Variants in SPTBN1 observed in about 807,000 individuals in gnomAD.
SPTBN1 encodes the protein spectrin beta chain, non-erythrocytic 1.
SPTBN1 carries 32 observed loss-of-function variants against 266.4 expected under a neutral mutation model. The ratio of observed to expected loss-of-function variants is 0.12; its 90% CI spans 0.09 to 0.16. The LOEUF is 0.16. Among genes scored for constraint, SPTBN1 ranks in the 10% least tolerant of loss-of-function variants. The probability of loss-of-function intolerance (pLI) is 1.00; values close to 1 mark genes in which losing one functional copy is unlikely to be tolerated. For missense variants in SPTBN1, 2,296 were observed against 3,067.1 expected, an observed-to-expected ratio of 0.75 and a Z score of 5.94; for synonymous variants, 1,336 against 1,162.2, an observed-to-expected ratio of 1.15 and a Z score of -3.04.
intron 1 of SPTBN1, among the ~76,000 whole-genome samples, chr2:54,486,081 T>C (rs1481147336): frequency 4.1e-5 from 6 of 144,978 alleles, no homozygotes; most frequent in East Asian, 4.3e-4. Context: ...CCAGCCACCC[T>C]GTCCGGGAGG....
intron 2 of SPTBN1, among the ~76,000 whole-genome samples, chr2:54,582,654 G>T (rs1675017394): frequency 6.6e-6 from 1 of 152,132 alleles, no homozygotes; most frequent in African/African-American, 2.4e-5. Context: ...GAATTATCAG[G>T]AATTAAGGTG....
chr2:54,462,424 G>C (rs974870516), intron 1 of SPTBN1, among the ~76,000 whole-genome samples: 1 of 152,126 alleles, frequency 6.6e-6, no homozygotes, highest in Non-Finnish European at 1.5e-5. Flanking sequence ...TTAGGTTCTG[G>C]TTCTTGAAAG....
At chr2:54,627,902 C>T (rs1678461778) in intron 12 of SPTBN1, among the ~76,000 whole-genome samples, 195 bp from the exon 13 acceptor site, 1 of 151,898 alleles carries the variant, frequency 6.6e-6, no homozygotes, top group African/African-American at 2.4e-5. Context: ...GATAGCTCTC[C>T]TGACTCAGGC....
At chr2:54,534,691 CA>C (rs1346672175) in intron 2 of SPTBN1, among the ~76,000 whole-genome samples, 1 of 152,218 alleles carries the variant, frequency 6.6e-6, no homozygotes, top group African/African-American at 2.4e-5. Context: ...CTTCTGAAAT[CA>C]GCTTGGATTC....
chr2:54,458,538 T>C (rs1249547743), intron 1 of SPTBN1, among the ~76,000 whole-genome samples: 1 of 152,232 alleles, frequency 6.6e-6, no homozygotes, highest in African/African-American at 2.4e-5. Context: ...TGTTTGTTTA[T>C]ATGTATTTTT....
chr2:54,613,003 G>C (rs1677330643), intron 4 of SPTBN1, among the ~76,000 whole-genome samples: 1 of 152,114 alleles, frequency 6.6e-6, no homozygotes, highest in South Asian at 2.1e-4. Flanking sequence ...AAGAAATCGG[G>C]GACCCACAGA....
intron 1 of SPTBN1, among the ~76,000 whole-genome samples, chr2:54,477,273 C>T (rs1486598274): frequency 2.6e-5 from 4 of 152,122 alleles, no homozygotes; most frequent in Non-Finnish European, 5.9e-5. Context: ...TGGCTGTAAA[C>T]TTCATGTAAT....
At chr2:54,627,978 A>G (rs1048732330) in intron 12 of SPTBN1, 119 bp from the exon 13 acceptor site, 64 of 1,218,406 alleles carry the variant, frequency 5.3e-5, no homozygotes, top group South Asian at 8.1e-5. Flanking sequence ...TGTGGGGTCC[A>G]TGGCAGACTA....
rs76514713 is a variant in SPTBN1, at chr2:54,621,130, G to A, written c.764-270G>A. Among the ~76,000 whole-genome samples the A allele has an allele frequency of 8.5e-3, 1,300 of 152,326 alleles. 12 individuals carry two copies. The highest frequency in any genetic ancestry group is 0.014 in the Non-Finnish European group (974 of 68,022). On this transcript the variant is annotated intron_variant, in intron 7 of 35. Coordinates refer to ENST00000356805, the MANE Select transcript of SPTBN1 (RefSeq NM_003128.3). ...GTAGGCAGCAATGAGGACTCAAGCA[G>A]AGCTAACCCAGTATGGTAGTAGGGC...
rs182417656 is a variant in SPTBN1 at position 54,502,098 on chromosome 2, A to G, written c.-47-24274A>G. On this transcript the variant is annotated intron_variant, in intron 1 of 35. Transcript: ENST00000356805. ...TGTGTATTTTTCTTTTCAGGATGTC[A>G]GTCAAATAATTCACTCATTCCTTTC... is the stretch of plus-strand genomic sequence containing the variant. 1.2e-4 allele frequency among the ~76,000 whole-genome samples: 18 copies of G among 152,298 alleles called. 1 individual carries two copies. In the East Asian group the frequency reaches 3.5e-3, roughly 29 times the overall value.
intron 1 of SPTBN1, among the ~76,000 whole-genome samples, chr2:54,478,235 C>G (rs370653684): frequency 1.6e-4 from 25 of 152,114 alleles, no homozygotes; most frequent in African/African-American, 5.6e-4. Flanking sequence ...AGATTTCACT[C>G]TCTTATGAGA....
chr2:54,572,673 C>G (rs1457372243), intron 2 of SPTBN1, among the ~76,000 whole-genome samples: 1 of 152,198 alleles, frequency 6.6e-6, no homozygotes, highest in Non-Finnish European at 1.5e-5. Context: ...TTTTCCTCTA[C>G]AAATATACAT....
chr2:54,628,003 C>A lies in SPTBN1; in HGVS notation c.1645-94C>A. 1 of 1,456,780 alleles carries A rather than the reference C, an allele frequency of 6.9e-7. No homozygotes were observed. Among genetic ancestry groups the A allele is most frequent in the Non-Finnish European group, 9.2e-7 (1 of 1,082,776 alleles). 90.2% of individuals were successfully genotyped at this position (1,456,780 alleles called of 1,614,324 possible). On this transcript the variant is annotated intron_variant, in intron 12 of 35. Coordinates refer to ENST00000356805, the MANE Select transcript of SPTBN1 (RefSeq NM_003128.3). The surrounding 1 kb of genome is among the most constrained non-coding windows in gnomAD (Gnocchi z 4.3). ...ATGGCAGACTAGAGGGAAGGCATAG[C>A]TTCATTGCTGGCTCTCTGCTTGTCG... is the stretch of plus-strand genomic sequence containing the variant.
At chr2:54,471,554 A>C (rs991478595) in intron 1 of SPTBN1, among the ~76,000 whole-genome samples, 1 of 151,688 alleles carries the variant, frequency 6.6e-6, no homozygotes, top group Non-Finnish European at 1.5e-5. Flanking sequence ...GTAATGCAGC[A>C]ACATCTTACT....
chr2:54,457,187 C>G lies in SPTBN1; in HGVS notation c.-48+669C>G, dbSNP rs1207163512. On this transcript the variant is annotated intron_variant, in intron 1 of 35. Transcript: ENST00000356805. The stretch of plus-strand genomic sequence containing the variant: ...CCGCCCTTTCTGCCGTCCCCACTCT[C>G]CCAGGGCTGGGCGTGAGCCGCCTCC... The G allele has an allele frequency of 4.1e-5, 6 of 147,064 alleles. No individual in the cohort carries two copies. In the East Asian group the frequency reaches 1.3e-3, roughly 31 times the overall value. 9.1% of individuals were successfully genotyped at this position (147,064 alleles called of 1,614,324 possible).
At chr2:54,565,037 C>T (rs1052758056) in intron 2 of SPTBN1, among the ~76,000 whole-genome samples, 1 of 152,206 alleles carries the variant, frequency 6.6e-6, no homozygotes, top group Non-Finnish European at 1.5e-5. Context: ...AGGTCAGCAT[C>T]AGCATCATCT....
In SPTBN1 at chr2:54,656,005, A is replaced by G; in HGVS notation, c.6046+7A>G. On this transcript the variant is annotated splice_region_variant and intron_variant, in intron 29 of 35. Transcript: ENST00000356805. ...TGGGAATGGTTAAGACTGAGTAAGG[A>G]TGTAGTTTATCTTTCTGCTCTTTTG... The G allele has an allele frequency of 6.2e-7, 1 of 1,608,186 alleles. No homozygotes were observed. Among genetic ancestry groups the G allele is most frequent in the Non-Finnish European group, 8.5e-7 (1 of 1,175,974 alleles).
At chr2:54,582,755 C>G (rs1675026331) in intron 2 of SPTBN1, among the ~76,000 whole-genome samples, 1 of 152,116 alleles carries the variant, frequency 6.6e-6, no homozygotes. Flanking sequence ...CATTTCATAT[C>G]AGTTGGAGCC....
In SPTBN1 at chr2:54,487,221, C is replaced by A. The variant is rs1230286490; in HGVS notation, c.-48+30703C>A. Among the ~76,000 whole-genome samples, 5 of 133,996 alleles carry A rather than the reference C, an allele frequency of 3.7e-5. No homozygotes were observed. In the East Asian group the frequency reaches 1.1e-3, roughly 30 times the overall value. The allele number at this position is 133,996 out of a possible 152,430, so 87.9% of individuals were successfully genotyped here. On this transcript the variant is annotated intron_variant, in intron 1 of 35. Transcript: ENST00000356805. Reference sequence around the variant, plus strand: ...TTTTTAACTTTTTCAAAAATCAGCACAATTTTTCCCTTTGAAATTAAATAG... The same window carrying A: ...TTTTTAACTTTTTCAAAAATCAGCAAAATTTTTCCCTTTGAAATTAAATAG...
Sources: gnomAD v4.1 joint callset for allele counts (sites outside exome capture counted in the v4.1 genomes callset) on GRCh38, gnomAD v4.1.1 for gene constraint, Gnocchi (gnomAD v3.1) non-coding constraint, MANE v1.5 for transcripts, NCBI Gene and HGNC (gene_info 2026-07-23, HGNC 2026-07-21) for gene names.